CDC42BPA: variants seen among roughly 807,000 people sequenced by gnomAD.
The protein encoded by CDC42BPA is CDC42 binding protein kinase alpha.
In CDC42BPA, 80 loss-of-function variants were observed where a neutral mutation model predicts 223.5. The ratio of observed to expected loss-of-function variants is 0.36; its 90% CI spans 0.30 to 0.43. The LOEUF (loss-of-function observed/expected upper bound fraction) is 0.43, where lower values mean the gene tolerates loss of function less well. CDC42BPA is among the 20% of genes least tolerant of loss of function. CDC42BPA has a pLI of 1.00. For missense variants in CDC42BPA, 1,743 were observed against 2,099.9 expected (o/e 0.83, Z 3.32); for synonymous variants, 694 against 718.6 (o/e 0.97, Z 0.55).
intron 11 of CDC42BPA, among the ~76,000 whole-genome samples, chr1:227,121,637 A>G (rs747011061): frequency 1.5e-4 from 23 of 152,308 alleles, no homozygotes; most frequent in Non-Finnish European, 7.4e-5. Flanking sequence ...AATCTTAATC[A>G]TGGTGTTTAG....
At chr1:227,111,278 A>C (rs1686857292) in intron 14 of CDC42BPA, among the ~76,000 whole-genome samples, 1 of 152,224 alleles carries the variant, frequency 6.6e-6, no homozygotes, top group Non-Finnish European at 1.5e-5. Flanking sequence ...GTCAAAAAAG[A>C]TAAAAGGCAG....
chr1:227,249,817 T>G (rs1166933713), intron 2 of CDC42BPA, among the ~76,000 whole-genome samples: 5 of 152,050 alleles, frequency 3.3e-5, no homozygotes, highest in Non-Finnish European at 1.5e-5. Context: ...GGTGAGGATG[T>G]GGAGAAAAAG....
intron 16 of CDC42BPA, among the ~76,000 whole-genome samples, chr1:227,084,430 A>T (rs1380676176): frequency 6.6e-6 from 1 of 151,656 alleles, no homozygotes; most frequent in Non-Finnish European, 1.5e-5. Flanking sequence ...TGGGAGGCTG[A>T]GGCAGGAAAA....
In CDC42BPA at chr1:227,145,593, C is replaced by A. The variant is rs1380276987; in HGVS notation, c.1039G>T (p.Asp347Tyr). Residue 347 changes from aspartate to tyrosine, a missense_variant, in exon 8 of 37, where the codon GAT (aspartate) becomes TAT (tyrosine). Asp to Tyr is a radical substitution (Grantham distance 160, BLOSUM62 -3). This residue lies in a region of CDC42BPA where 321 missense variants were observed against 488.7 expected (regional missense o/e 0.66). Coordinates refer to ENST00000366766, the MANE Select transcript of CDC42BPA (RefSeq NM_001394014.1). ...FKKHPFFSGI[D>Y]WDNIRNCEAP... The stretch of plus-strand genomic sequence containing the variant: ...TCACAGTTCCGAATATTATCCCAAT[C>A]AATTCCACTGAAAAATGGGTGTTTC... 6.2e-7 allele frequency: 1 copy of A among 1,613,796 alleles called. No homozygotes were observed. Among genetic ancestry groups the A allele is most frequent in the South Asian group, 1.1e-5 (1 of 91,062 alleles).
intron 16 of CDC42BPA, among the ~76,000 whole-genome samples, chr1:227,084,521 T>TC (rs1265321916): frequency 7.0e-6 from 1 of 142,524 alleles, no homozygotes; most frequent in African/African-American, 2.6e-5. Flanking sequence ...GAGTGAGACT[T>TC]CATCTCAAAA....
intron 21 of CDC42BPA, among the ~76,000 whole-genome samples, chr1:227,054,278 T>G (rs1452472594): frequency 6.6e-6 from 1 of 152,162 alleles, no homozygotes; most frequent in Non-Finnish European, 1.5e-5. Context: ...TCTTTAAAAA[T>G]GGGAAAGGCC....
intron 35 of CDC42BPA, among the ~76,000 whole-genome samples, chr1:226,999,560 A>T (rs912765537): frequency 3.3e-5 from 5 of 152,148 alleles, no homozygotes; most frequent in African/African-American, 1.2e-4. Flanking sequence ...AAGGATCTAG[A>T]ACCAGAAATA....
intron 3 of CDC42BPA, among the ~76,000 whole-genome samples, chr1:227,205,650 T>C (rs1004271339): frequency 1.1e-4 from 16 of 152,156 alleles, no homozygotes; most frequent in African/African-American, 2.6e-4. Flanking sequence ...AATAAAACAA[T>C]AGGCATAAAT....
intron 34 of CDC42BPA, chr1:227,011,022 C>T: frequency 7.4e-7 from 1 of 1,358,876 alleles, no homozygotes; most frequent in Non-Finnish European, 9.8e-7. Context: ...GAGAGGAGAT[C>T]AGACCGGAGT....
intron 23 of CDC42BPA, among the ~76,000 whole-genome samples, chr1:227,040,725 G>A (rs577286051): frequency 5.8e-4 from 88 of 152,154 alleles, no homozygotes; most frequent in African/African-American, 1.5e-3. Context: ...TATGCTTCAC[G>A]AATCAGTTTC....
chr1:226,997,314 A>AT (rs1454954135), intron 35 of CDC42BPA, among the ~76,000 whole-genome samples: 3 of 151,988 alleles, frequency 2.0e-5, no homozygotes, highest in African/African-American at 7.2e-5. Context: ...CCCCTTTATC[A>AT]TTTTTTTATT....
At chr1:227,103,686 TC>T (rs1435376624) in intron 14 of CDC42BPA, among the ~76,000 whole-genome samples, 1 of 152,098 alleles carries the variant, frequency 6.6e-6, no homozygotes, top group Non-Finnish European at 1.5e-5. Flanking sequence ...ATAATTTAAT[TC>T]AATATATGAG....
chr1:227,217,370 C>A (rs1311944716), intron 2 of CDC42BPA, among the ~76,000 whole-genome samples: 1 of 151,746 alleles, frequency 6.6e-6, no homozygotes, highest in Non-Finnish European at 1.5e-5. Context: ...TTGCTTGAAC[C>A]CGGGAGACGG....
chr1:227,155,649 G>A (rs1040515061), intron 6 of CDC42BPA, among the ~76,000 whole-genome samples: 2 of 152,190 alleles, frequency 1.3e-5, no homozygotes, highest in Non-Finnish European at 2.9e-5. Flanking sequence ...GTGGTGGAGA[G>A]TTTGAGGATA....
At chr1:227,011,598 A>C (rs1393522524) in intron 34 of CDC42BPA, among the ~76,000 whole-genome samples, 1 of 152,192 alleles carries the variant, frequency 6.6e-6, no homozygotes, top group Middle Eastern at 3.2e-3. Flanking sequence ...TTATTGGTTT[A>C]CCTTTAAGCA....
intron 1 of CDC42BPA, among the ~76,000 whole-genome samples, chr1:227,286,760 T>C (rs1033411906): frequency 1.3e-5 from 2 of 152,152 alleles, no homozygotes; most frequent in Non-Finnish European, 2.9e-5. Flanking sequence ...TTCTGCAAGC[T>C]GTACAAAAAA....
intron 16 of CDC42BPA, among the ~76,000 whole-genome samples, chr1:227,085,499 G>A (rs892057668): frequency 1.9e-4 from 29 of 152,246 alleles, no homozygotes; most frequent in African/African-American, 6.8e-4. Context: ...TTCTACTGAT[G>A]ACACAGGATT....
chr1:227,202,277 C>G (rs945374371), intron 3 of CDC42BPA, among the ~76,000 whole-genome samples: 5 of 152,156 alleles, frequency 3.3e-5, no homozygotes, highest in African/African-American at 9.7e-5. Context: ...CCACCACACC[C>G]GGCCGCTCTG....
In CDC42BPA at chr1:227,050,852, A is replaced by T. The variant is rs866186559; in HGVS notation, c.3009+1029T>A. Among the ~76,000 whole-genome samples the T allele has an allele frequency of 3.3e-5, 5 of 152,266 alleles. No individual in the cohort carries two copies. In the Middle Eastern group the frequency reaches 0.014, roughly 414 times the overall value. On this transcript the variant is annotated intron_variant, in intron 22 of 36. Coordinates refer to ENST00000366766, the MANE Select transcript of CDC42BPA (RefSeq NM_001394014.1). ...AGAGTGGGGAACGGTATACACGAGG[A>T]TGTTTCAACTGTTTCTGAAATATTT...
Sources: gnomAD v4.1 joint callset for allele counts (sites outside exome capture counted in the v4.1 genomes callset) on GRCh38, gnomAD v4.1.1 for gene constraint, gnomAD v4.1.1 regional missense constraint, MANE v1.5 for transcripts, NCBI Gene and HGNC (gene_info 2026-07-23, HGNC 2026-07-21) for gene names.